PPP1R12B: variants seen among roughly 807,000 people sequenced by gnomAD.
The protein encoded by PPP1R12B is protein phosphatase 1 regulatory subunit 12B, also known as myosin phosphatase target subunit 2.
A neutral mutation model predicts 126.1 loss-of-function variants in PPP1R12B; 76 were observed. That is an observed-to-expected ratio of 0.60 (90% CI 0.50 to 0.73). The LOEUF is 0.73. PPP1R12B is among the 30% of genes least tolerant of loss of function. The pLI, the probability that PPP1R12B is intolerant of heterozygous loss-of-function variation, is 0.00. For missense variants in PPP1R12B, 1,052 were observed against 1,205.1 expected, an observed-to-expected ratio of 0.87 and a Z score of 1.88; for synonymous variants, 356 against 434.7, an observed-to-expected ratio of 0.82 and a Z score of 2.25.
intron 23 of PPP1R12B, among the ~76,000 whole-genome samples, chr1:202,580,111 C>G (rs115643227): frequency 0.01 from 1,595 of 152,232 alleles, 27 homozygotes; most frequent in African/African-American, 0.035. Flanking sequence ...CATTTTGGCT[C>G]TCTCCCCAAT....
intron 13 of PPP1R12B, among the ~76,000 whole-genome samples, chr1:202,480,678 G>A (rs992037205): frequency 1.3e-5 from 2 of 152,144 alleles, no homozygotes; most frequent in African/African-American, 4.8e-5. Context: ...AAGATCAAAG[G>A]TGATATTAAA....
rs376043408 is a variant in PPP1R12B at position 202,496,811 on chromosome 1, A to G, written c.2479A>G (p.Lys827Glu). The change falls in exon 18 of 24, where the codon AAA (lysine) becomes GAA (glutamate). Residue 827 changes from lysine to glutamate, a missense_variant. Lys to Glu is a moderately conservative substitution (Grantham distance 56, BLOSUM62 1). Coordinates refer to ENST00000608999, the MANE Select transcript of PPP1R12B (RefSeq NM_002481.4). ...TGAAACTGATGGCTCTGAAGAGGTCAAAGAAACGTGGGTAAGTGACAAGCC... is the reference window on the plus strand; with the variant it reads ...TGAAACTGATGGCTCTGAAGAGGTCGAAGAAACGTGGGTAAGTGACAAGCC... ...EDETDGSEEVKETWHERLSRL... is the reference protein window; with the variant it reads ...EDETDGSEEVEETWHERLSRL... 117 of 1,612,352 alleles carry G rather than the reference A, an allele frequency of 7.3e-5. No homozygotes were observed. The highest frequency in any genetic ancestry group is 9.6e-5 in the Non-Finnish European group (113 of 1,178,630).
At chr1:202,402,415 A>G (rs1317173064) in intron 1 of PPP1R12B, among the ~76,000 whole-genome samples, 1 of 152,206 alleles carries the variant, frequency 6.6e-6, no homozygotes, top group African/African-American at 2.4e-5. Flanking sequence ...CTTCTAGGAC[A>G]TAGCAGTCTG....
chr1:202,354,218 G>C (rs950885542), intron 1 of PPP1R12B, among the ~76,000 whole-genome samples: 1 of 152,076 alleles, frequency 6.6e-6, no homozygotes, highest in Non-Finnish European at 1.5e-5. Flanking sequence ...CTGTAATCAA[G>C]ATGTAGAACG....
Position 202,437,958 on chromosome 1 carries a change from A to T in PPP1R12B, c.1392A>T (p.Arg464=), listed in dbSNP as rs188042132. ...VANSREPIRD[R]GSSIYRSSSS... The stretch of plus-strand genomic sequence containing the variant: ...ATTCCAGGGAACCTATAAGGGACCG[A>T]GGCTCTTCCATCTATCGCTCCTCTT... The change falls in exon 10 of 24, where the codon CGA becomes CGT. Residue 464 remains arginine, a synonymous_variant. Transcript: ENST00000608999. 6.2e-7 allele frequency: 1 copy of T among 1,614,154 alleles called. No homozygotes were observed. The highest frequency in any genetic ancestry group is 2.2e-5 in the East Asian group (1 of 44,878).
chr1:202,448,688 T>C (rs1437215080), intron 12 of PPP1R12B: 8 of 332,564 alleles, frequency 2.4e-5, no homozygotes, highest in African/African-American at 4.1e-5. Flanking sequence ...TAAAACACTC[T>C]TGCATATGTC....
At position 202,585,477 on chromosome 1, in the gene PPP1R12B, C is replaced by A. The variant is rs890100057; in HGVS notation, c.*4917C>A. The A allele has an allele frequency of 1.3e-5, 2 of 152,198 alleles. No individual in the cohort carries two copies. The highest frequency in any genetic ancestry group is 4.8e-5 in the African/African-American group (2 of 41,454). The allele number at this position is 152,198 out of a possible 1,614,324, so 9.4% of individuals were successfully genotyped here. On this transcript the variant is annotated 3_prime_UTR_variant, in exon 24 of 24. Transcript: ENST00000608999. The stretch of plus-strand genomic sequence containing the variant: ...TAGTCATGTGACTTTGGGCAGGTCA[C>A]CCTCCCTGTCTGTAAAATGAGGTTG...
In PPP1R12B at chr1:202,501,707, T is replaced by C. The variant is rs1489130583; in HGVS notation, c.2490+4885T>C. 3.3e-5 allele frequency among the ~76,000 whole-genome samples: 5 copies of C among 152,266 alleles called. No homozygotes were observed. In the South Asian group the frequency reaches 8.3e-4, roughly 25 times the overall value. On this transcript the variant is annotated intron_variant, in intron 18 of 23. Transcript: ENST00000608999. The stretch of plus-strand genomic sequence containing the variant: ...TTAAGAAGACTGAGGCTCAGAGAAA[T>C]TAAGAATTATTTGGGCATGACATCT...
intron 13 of PPP1R12B, among the ~76,000 whole-genome samples, chr1:202,477,630 T>C (rs1676834919): frequency 6.6e-6 from 1 of 152,174 alleles, no homozygotes; most frequent in Admixed American, 6.5e-5. Context: ...AGTGCAGTGG[T>C]GCAATCATGG....
At chr1:202,422,082 T>C (rs1452810223) in intron 2 of PPP1R12B, among the ~76,000 whole-genome samples, 2 of 152,248 alleles carry the variant, frequency 1.3e-5, no homozygotes, top group Non-Finnish European at 2.9e-5. Flanking sequence ...GAATCAAGTA[T>C]TCTATTTGGA....
At chr1:202,486,118 GCCAGCT>G (rs1678083128) in intron 13 of PPP1R12B, among the ~76,000 whole-genome samples, 1 of 152,164 alleles carries the variant, frequency 6.6e-6, no homozygotes, top group Non-Finnish European at 1.5e-5. Context: ...CTGGGCTCAA[GCCAGCT>G]ACCCGCCTGG....
chr1:202,455,657 G>A (rs1673537757), intron 13 of PPP1R12B, among the ~76,000 whole-genome samples: 2 of 152,074 alleles, frequency 1.3e-5, no homozygotes, highest in Non-Finnish European at 2.9e-5. Context: ...TAGTTATTAT[G>A]AATAATGTTA....
intron 13 of PPP1R12B, among the ~76,000 whole-genome samples, chr1:202,477,021 G>T (rs1676762220): frequency 6.6e-6 from 1 of 152,084 alleles, no homozygotes; most frequent in African/African-American, 2.4e-5. Context: ...AGGGAATTAA[G>T]TCCTCTTCCA....
intron 1 of PPP1R12B, among the ~76,000 whole-genome samples, chr1:202,387,947 A>G (rs894131184): frequency 3.9e-5 from 6 of 152,200 alleles, no homozygotes; most frequent in African/African-American, 1.4e-4. Context: ...TATGGGATAG[A>G]CTAGCCATTG....
At position 202,586,409 on chromosome 1, in the gene PPP1R12B, A is replaced by G. The variant is rs1195762559; in HGVS notation, c.*5849A>G. ...AGTTTCACAGAAACAAAGCTTTGTC[A>G]CACAGAAATGAGTTCTGTCTCACTG... On this transcript the variant is annotated 3_prime_UTR_variant, in exon 24 of 24. Transcript: ENST00000608999. 1 of 152,282 alleles carries G rather than the reference A, an allele frequency of 6.6e-6. No individual in the cohort carries two copies. Among genetic ancestry groups the G allele is most frequent in the Non-Finnish European group, 1.5e-5 (1 of 68,070 alleles). 9.4% of individuals were successfully genotyped at this position (152,282 alleles called of 1,614,324 possible). A position where few individuals can be genotyped will look rare whatever the true frequency, so the allele number is the denominator to read the frequency against.
At chr1:202,395,966 C>T (rs1241425747) in intron 1 of PPP1R12B, among the ~76,000 whole-genome samples, 3 of 152,208 alleles carry the variant, frequency 2.0e-5, no homozygotes, top group Non-Finnish European at 2.9e-5. Context: ...GAAACCCAGT[C>T]GTATGTCCCT....
chr1:202,530,058 A>G (rs1339323003), intron 18 of PPP1R12B, among the ~76,000 whole-genome samples: 1 of 152,210 alleles, frequency 6.6e-6, no homozygotes, highest in Non-Finnish European at 1.5e-5. Context: ...AACTGACACT[A>G]TATAGAGCCC....
At position 202,373,025 on chromosome 1, in the gene PPP1R12B, C is replaced by A. The variant is rs1425661043; in HGVS notation, c.291+23883C>A. Among the ~76,000 whole-genome samples, 3 of 151,928 alleles carry A rather than the reference C, an allele frequency of 2.0e-5. No individual in the cohort carries two copies. In the South Asian group the frequency reaches 6.2e-4, roughly 31 times the overall value. On this transcript the variant is annotated intron_variant, in intron 1 of 23. Coordinates refer to ENST00000608999, the MANE Select transcript of PPP1R12B (RefSeq NM_002481.4). The stretch of plus-strand genomic sequence containing the variant: ...TCTTGGCTCGCAGCAACCTTCGCCT[C>A]CCTGGTTCAAGTGATTCTCATGCCT...
intron 12 of PPP1R12B, among the ~76,000 whole-genome samples, chr1:202,446,905 G>C (rs1209575672): frequency 6.6e-6 from 1 of 152,090 alleles, no homozygotes; most frequent in Non-Finnish European, 1.5e-5. Context: ...CATTTCCATG[G>C]GTTGCCTGAT....
Sources: allele counts gnomAD v4.1 joint callset (sites outside exome capture counted in the v4.1 genomes callset), GRCh38; gene constraint gnomAD v4.1.1; transcripts MANE v1.5; gene names NCBI Gene and HGNC (gene_info 2026-07-23, HGNC 2026-07-21).